The following ATP13A5 variants were observed in gnomAD, a reference collection of about 807,000 sequenced individuals.
The protein encoded by ATP13A5 is probable cation-transporting ATPase 13A5.
A neutral mutation model predicts 150.2 loss-of-function variants in ATP13A5; 149 were observed. The observed-to-expected ratio is 0.99, with a 90% CI of 0.87 to 1.14. The LOEUF is 1.14. Ranked by LOEUF, ATP13A5 falls within the 50% of genes most tolerant of loss-of-function variation. The pLI is 0.00. For synonymous variants in ATP13A5, 497 were observed against 522.2 expected (o/e 0.95, Z 0.66); for missense variants, 1,383 against 1,449.3 (o/e 0.95, Z 0.74).
intron 1 of ATP13A5, among the ~76,000 whole-genome samples, chr3:193,372,695 G>A (rs561734268): frequency 6.6e-6 from 1 of 152,226 alleles, no homozygotes; most frequent in East Asian, 1.9e-4. Context: ...ATCAAATAAA[G>A]CACTTCAATT....
intron 25 of ATP13A5, among the ~76,000 whole-genome samples, chr3:193,295,623 T>A (rs1379094806): frequency 6.6e-6 from 1 of 152,124 alleles, no homozygotes; most frequent in South Asian, 2.1e-4. Flanking sequence ...TATAAGGGAA[T>A]GTTGAATGGT....
chr3:193,309,431 T>C (rs1718753578), intron 21 of ATP13A5, among the ~76,000 whole-genome samples: 1 of 152,176 alleles, frequency 6.6e-6, no homozygotes, highest in African/African-American at 2.4e-5. Flanking sequence ...ATATATGCCT[T>C]ATGGCCCACA....
intron 16 of ATP13A5, among the ~76,000 whole-genome samples, chr3:193,320,401 G>C (rs1352155650): frequency 6.6e-6 from 1 of 152,210 alleles, no homozygotes; most frequent in Non-Finnish European, 1.5e-5. Flanking sequence ...GTAAGTCAAA[G>C]ATTGGAAGTT....
chr3:193,278,849 TCA>T, intron 28 of ATP13A5, among the ~76,000 whole-genome samples: 1 of 152,284 alleles, frequency 6.6e-6, no homozygotes, highest in East Asian at 1.9e-4. Flanking sequence ...TTTATTTCTC[TCA>T]CAATACGGGG....
intron 9 of ATP13A5, among the ~76,000 whole-genome samples, chr3:193,335,646 C>A (rs906320806): frequency 6.6e-6 from 1 of 152,188 alleles, no homozygotes; most frequent in South Asian, 2.1e-4. Context: ...TATTCCACAT[C>A]ATTTTCAGAT....
chr3:193,290,463 G>A (rs1290041099), intron 25 of ATP13A5, among the ~76,000 whole-genome samples: 4 of 152,004 alleles, frequency 2.6e-5, no homozygotes, highest in South Asian at 2.1e-4. Context: ...GGAGAATAAG[G>A]AGGAATATAG....
At chr3:193,307,089 C>A (rs1474952671) in intron 22 of ATP13A5, 4 of 984,654 alleles carry the variant, frequency 4.1e-6, no homozygotes, top group Non-Finnish European at 4.8e-6. Flanking sequence ...ATATGGGAGT[C>A]TAAGTAGCCT....
At chr3:193,275,337 G>A in intron 29 of ATP13A5, 35 bp from the exon 30 acceptor site, 3 of 1,603,914 alleles carry the variant, frequency 1.9e-6, no homozygotes. Flanking sequence ...TCAATTTATT[G>A]CGCAGGTCCC....
chr3:193,347,368 A>G (rs1242558782), intron 7 of ATP13A5, among the ~76,000 whole-genome samples: 1 of 150,530 alleles, frequency 6.6e-6, no homozygotes, highest in Non-Finnish European at 1.5e-5. Flanking sequence ...GGGTTGAAAA[A>G]TGTTAAAGTA....
chr3:193,325,802 C>T, intron 13 of ATP13A5, among the ~76,000 whole-genome samples: 1 of 152,162 alleles, frequency 6.6e-6, no homozygotes, highest in East Asian at 1.9e-4. Flanking sequence ...CCTCTCTTCC[C>T]ACCTTACAGC....
intron 25 of ATP13A5, among the ~76,000 whole-genome samples, chr3:193,295,580 C>T (rs923195733): frequency 6.6e-5 from 10 of 152,034 alleles, no homozygotes; most frequent in African/African-American, 1.2e-4. Flanking sequence ...CAGGAACCTA[C>T]GTGGCTAATA....
intron 21 of ATP13A5, among the ~76,000 whole-genome samples, chr3:193,307,680 A>G (rs1336530799): frequency 6.6e-6 from 1 of 152,258 alleles, no homozygotes; most frequent in Non-Finnish European, 1.5e-5. Context: ...CAAGCTTAAG[A>G]GTATGCAGTC....
rs147675554 is a variant in ATP13A5, at chr3:193,355,915, C to A, written c.537-1719G>T. On this transcript the variant is annotated intron_variant, in intron 5 of 29. Coordinates refer to ENST00000342358, the MANE Select transcript of ATP13A5 (RefSeq NM_198505.4). ...TAAATGCCTACTCAGCCTCGGAGAG[C>A]CAGATCCGACAATCAAGCTTAATGG... is the stretch of plus-strand genomic sequence containing the variant. 8.3e-3 allele frequency among the ~76,000 whole-genome samples: 1,269 copies of A among 152,276 alleles called. 55 individuals are homozygous for A. Among genetic ancestry groups the A allele is most frequent in the Admixed American group, 0.077 (1,173 of 15,290 alleles).
intron 27 of ATP13A5, 63 bp downstream of exon 27, chr3:193,284,851 C>T: frequency 1.5e-6 from 2 of 1,351,294 alleles, no homozygotes; most frequent in Non-Finnish European, 2.0e-6. Context: ...TGAGGTACAA[C>T]TCTAGGGTGA....
Position 193,305,566 on chromosome 3 carries a change from G to C in ATP13A5, c.2671C>G (p.Leu891Val). 6.2e-7 allele frequency: 1 copy of C among 1,613,408 alleles called. No individual in the cohort carries two copies. Among genetic ancestry groups the C allele is most frequent in the Non-Finnish European group, 8.5e-7 (1 of 1,179,368 alleles). ...KTTNIQCVPH[L>V]IREGRAALVS... ...GAGGAAAAAATGACTTACCTGATGA[G>C]ATGAGGCACACACTGGATGTTGGTT... Residue 891 changes from leucine (L) to valine (V), a missense_variant, in exon 23 of 30, where the codon CTC (leucine) becomes GTC (valine). By Grantham distance (32) the Leu-to-Val change is conservative (BLOSUM62 1). Around this residue, in one of 3 missense-constraint regions of ATP13A5, gnomAD observed 568 missense variants for 621.5 expected, o/e 0.91. Coordinates refer to ENST00000342358, the MANE Select transcript of ATP13A5 (RefSeq NM_198505.4).
chr3:193,327,550 A>G (rs1481401605), intron 12 of ATP13A5, among the ~76,000 whole-genome samples: 1 of 152,228 alleles, frequency 6.6e-6, no homozygotes, highest in Non-Finnish European at 1.5e-5. Flanking sequence ...TGAAATGTTG[A>G]TAAAGGGCTT....
At chr3:193,281,305 G>T in intron 27 of ATP13A5, 2 of 552,800 alleles carry the variant, frequency 3.6e-6, no homozygotes, top group Non-Finnish European at 4.6e-6. Flanking sequence ...GCACATCACT[G>T]TCTAATGGTC....
At chr3:193,375,820 C>G in intron 1 of ATP13A5, among the ~76,000 whole-genome samples, 1 of 152,180 alleles carries the variant, frequency 6.6e-6, no homozygotes, top group East Asian at 1.9e-4. Flanking sequence ...AGCAGAATCA[C>G]GCAAGACTGA....
In ATP13A5 at chr3:193,314,992, A is replaced by G. The variant is rs1295283740; in HGVS notation, c.2138T>C (p.Ile713Thr). 2 of 1,613,632 alleles carry G rather than the reference A, an allele frequency of 1.2e-6. No homozygotes were observed. Among genetic ancestry groups the G allele is most frequent in the African/African-American group, 2.7e-5 (2 of 74,876 alleles). Residue 713 changes from isoleucine to threonine, a missense_variant, in exon 18 of 30, where the codon ATC becomes ACC. Ile to Thr is a moderately conservative substitution (Grantham distance 89). Coordinates refer to ENST00000342358, the MANE Select transcript of ATP13A5 (RefSeq NM_198505.4). The part of the protein sequence containing the change: ...LVLKELSEAR[I>T]RTVMITGDNL... The stretch of plus-strand genomic sequence containing the variant: ...CATACCTGTAATCATCACAGTCCTG[A>G]TACGGGCCTCACTCAGTTCCTTCAA...
Sources: gnomAD v4.1 joint callset for allele counts (sites outside exome capture counted in the v4.1 genomes callset) on GRCh38, gnomAD v4.1.1 for gene constraint, gnomAD v4.1.1 regional missense constraint, MANE v1.5 for transcripts, NCBI Gene and HGNC (gene_info 2026-07-23, HGNC 2026-07-21) for gene names.